The following ABTB3 variants were observed in gnomAD, a reference collection of about 807,000 sequenced individuals.
ABTB3 encodes the protein ankyrin repeat and BTB domain containing 3.
chr12:107,460,703 G>C, the ABTB3 span, among the ~76,000 whole-genome samples: 10 of 152,134 alleles, frequency 6.6e-5, no homozygotes, highest in African/African-American at 2.4e-4. Flanking sequence ...CCCTCAGAGG[G>C]GCCACGGTGT....
chr12:107,387,972 CTTT>C, the ABTB3 span, among the ~76,000 whole-genome samples: 766 of 120,140 alleles, frequency 6.4e-3, 9 homozygotes, highest in African/African-American at 0.024. Context: ...TCTTCTTCTT[CTTT>C]TTTTTTTTTT....
At chr12:107,545,809 C>T in the ABTB3 span, among the ~76,000 whole-genome samples, 1 of 152,220 alleles carries the variant, frequency 6.6e-6, no homozygotes, top group Non-Finnish European at 1.5e-5. Context: ...AGAATGGAAA[C>T]TACTGGCCTC....
the ABTB3 span, among the ~76,000 whole-genome samples, chr12:107,373,197 T>C: frequency 1.3e-5 from 2 of 152,328 alleles, no homozygotes; most frequent in East Asian, 1.9e-4. Context: ...GAACTCCGCA[T>C]TGGCTGGCGG....
chr12:107,543,217 T>C, the ABTB3 span, among the ~76,000 whole-genome samples: 2 of 150,990 alleles, frequency 1.3e-5, no homozygotes, highest in African/African-American at 4.9e-5. Flanking sequence ...GCACCTGTAG[T>C]CCCAGCTACT....
At chr12:107,455,463 C>T in the ABTB3 span, among the ~76,000 whole-genome samples, 1 of 151,664 alleles carries the variant, frequency 6.6e-6, no homozygotes, top group African/African-American at 2.4e-5. Flanking sequence ...GTTGTTTCCC[C>T]TACAGATAGT....
At chr12:107,493,995 TG>T in the ABTB3 span, among the ~76,000 whole-genome samples, 12 of 152,156 alleles carry the variant, frequency 7.9e-5, no homozygotes, top group African/African-American at 2.7e-4. Context: ...TGTAGAACTT[TG>T]TTATGACAGT....
chr12:107,565,216 GGTATTGCT>G, the ABTB3 span, among the ~76,000 whole-genome samples: 1 of 152,174 alleles, frequency 6.6e-6, no homozygotes, highest in Non-Finnish European at 1.5e-5. Context: ...GGCACTTTGT[GGTATTGCT>G]GTGCTACAGC....
At chr12:107,550,904 A>C in the ABTB3 span, among the ~76,000 whole-genome samples, 1 of 152,164 alleles carries the variant, frequency 6.6e-6, no homozygotes, top group Non-Finnish European at 1.5e-5. Context: ...ACTTTTAAAA[A>C]AATAAATAAC....
At chr12:107,508,438 C>CTTTTTTTTTTTTTTT in the ABTB3 span, among the ~76,000 whole-genome samples, 177 of 69,148 alleles carry the variant, frequency 2.6e-3, 24 homozygotes, top group Non-Finnish European at 3.5e-3. Flanking sequence ...AAGATCATTT[C>CTTTTTTTTTTTTTTT]TTTTTTTTTT....
chr12:107,343,911 C>T, the ABTB3 span, among the ~76,000 whole-genome samples: 12 of 152,166 alleles, frequency 7.9e-5, no homozygotes, highest in African/African-American at 2.9e-4. Context: ...CCCCATGATC[C>T]AATCACCTCC....
At chr12:107,482,913 C>CTTTCTCTCTTTCTCTCTTTCTCTCT in the ABTB3 span, among the ~76,000 whole-genome samples, 1 of 117,998 alleles carries the variant, frequency 8.5e-6, no homozygotes, top group African/African-American at 3.4e-5. Context: ...TCTCTTTCTT[C>CTTTCTCTCTTTCTCTCTTTCTCTCT]TTCTTTCTTT....
At chr12:107,501,301 G>T in the ABTB3 span, among the ~76,000 whole-genome samples, 1 of 152,166 alleles carries the variant, frequency 6.6e-6, no homozygotes, top group South Asian at 2.1e-4. Context: ...GGGAGAAGAG[G>T]TAGGGATCCC....
the ABTB3 span, among the ~76,000 whole-genome samples, chr12:107,331,681 C>T: frequency 2.6e-5 from 4 of 152,198 alleles, no homozygotes; most frequent in Admixed American, 2.0e-4. Context: ...CGGAAGTCTG[C>T]ACCACCAGGG....
the ABTB3 span, among the ~76,000 whole-genome samples, chr12:107,377,653 A>T: frequency 2.0e-5 from 3 of 151,888 alleles, no homozygotes; most frequent in Non-Finnish European, 4.4e-5. Context: ...TAGACGAATA[A>T]CTCTTTGCTG....
the ABTB3 span, among the ~76,000 whole-genome samples, chr12:107,578,176 G>A: frequency 3.3e-5 from 5 of 151,998 alleles, no homozygotes; most frequent in African/African-American, 4.8e-5. Context: ...ATTTTTAAAT[G>A]AGTTACTGGC....
chr12:107,506,729 A>C, the ABTB3 span, among the ~76,000 whole-genome samples: 1 of 152,176 alleles, frequency 6.6e-6, no homozygotes, highest in African/African-American at 2.4e-5. Context: ...GCTAGACTTT[A>C]AGCTCTATGA....
chr12:107,349,452 T>C, the ABTB3 span, among the ~76,000 whole-genome samples: 2 of 152,208 alleles, frequency 1.3e-5, no homozygotes, highest in African/African-American at 4.8e-5. Flanking sequence ...CGTTCATTCA[T>C]TTATTCATTC....
the ABTB3 span, among the ~76,000 whole-genome samples, chr12:107,446,823 G>A: frequency 1.3e-5 from 2 of 152,214 alleles, no homozygotes; most frequent in Admixed American, 1.3e-4. Flanking sequence ...GTGGCTCTGG[G>A]CAAGTCACTT....
At chr12:107,648,357 C>A in the ABTB3 span, among the ~76,000 whole-genome samples, 5 of 143,146 alleles carry the variant, frequency 3.5e-5, no homozygotes, top group South Asian at 2.3e-4. Flanking sequence ...CTCCAGCCTG[C>A]GTGACAGAGC....
Sources: allele counts gnomAD v4.1 joint callset (sites outside exome capture counted in the v4.1 genomes callset), GRCh38; gene constraint gnomAD v4.1.1; transcripts MANE v1.5; gene names NCBI Gene and HGNC (gene_info 2026-07-23, HGNC 2026-07-21).